The following NEDD4L variants were observed in gnomAD, a reference collection of about 807,000 sequenced individuals.
NEDD4L encodes the protein E3 ubiquitin-protein ligase NEDD4-like.
In NEDD4L, 54 loss-of-function variants were observed where a neutral mutation model predicts 148.9. The observed-to-expected ratio is 0.36, with a 90% CI of 0.29 to 0.45. The LOEUF is 0.45. NEDD4L is among the 20% of genes least tolerant of loss of function. The pLI is 1.00. For missense variants in NEDD4L, 856 were observed against 1,233.8 expected, an observed-to-expected ratio of 0.69 and a Z score of 4.59; for synonymous variants, 433 against 440.7, an observed-to-expected ratio of 0.98 and a Z score of 0.22.
Position 58,396,358 on chromosome 18 carries a change from CAG to C in NEDD4L, c.*94_*95del, listed in dbSNP as rs900661272. 2.0e-5 allele frequency: 17 copies of C among 837,730 alleles called. No homozygotes were observed. The African/African-American group carries it at 2.9e-4, about 14-fold the overall frequency. The allele number at this position is 837,730 out of a possible 1,614,324, so 51.9% of individuals were successfully genotyped here. On this transcript the variant is annotated 3_prime_UTR_variant, in exon 31 of 31. Transcript: ENST00000400345. ...TAACAGACTTTTGCAGAGGCGATGG[CAG>C]AGAGCAGCTGCAGGCATGGTCCCTG...
At chr18:58,136,947 TA>T (rs1289686888) in intron 1 of NEDD4L, among the ~76,000 whole-genome samples, 3 of 152,220 alleles carry the variant, frequency 2.0e-5, no homozygotes, top group Non-Finnish European at 4.4e-5. Flanking sequence ...AAGGAATAGA[TA>T]CATTTTTTAA....
At chr18:58,249,643 A>G (rs1448634352) in intron 4 of NEDD4L, among the ~76,000 whole-genome samples, 1 of 152,224 alleles carries the variant, frequency 6.6e-6, no homozygotes, top group Non-Finnish European at 1.5e-5. Context: ...TCTTAATTGT[A>G]TAGCTGTGAT....
At chr18:58,345,226 C>T (rs547920361) in intron 16 of NEDD4L, among the ~76,000 whole-genome samples, 4 of 152,340 alleles carry the variant, frequency 2.6e-5, no homozygotes, top group South Asian at 2.1e-4. Flanking sequence ...CCTTCTTAAG[C>T]GAATTCAGAT....
At chr18:58,123,532 G>C (rs536044681) in intron 1 of NEDD4L, among the ~76,000 whole-genome samples, 98 of 152,106 alleles carry the variant, frequency 6.4e-4, no homozygotes, top group Non-Finnish European at 5.9e-4. Flanking sequence ...CCCCCGCCCC[G>C]GTTGGACACC....
chr18:58,343,603 G>C (rs2042700575), intron 16 of NEDD4L, among the ~76,000 whole-genome samples: 1 of 152,112 alleles, frequency 6.6e-6, no homozygotes. Flanking sequence ...CATGGGGTAG[G>C]GGATGTACTG....
At chr18:58,355,534 A>C (rs1049401002) in intron 18 of NEDD4L, among the ~76,000 whole-genome samples, 1 of 152,196 alleles carries the variant, frequency 6.6e-6, no homozygotes, top group Non-Finnish European at 1.5e-5. Flanking sequence ...CTTTGATGAC[A>C]ATATCCATTG....
chr18:58,120,986 T>C (rs575910609), intron 1 of NEDD4L, among the ~76,000 whole-genome samples: 1 of 152,202 alleles, frequency 6.6e-6, no homozygotes, highest in East Asian at 1.9e-4. Flanking sequence ...TTTATAATAA[T>C]TAAGTGATGT....
chr18:58,259,850 G>A (rs2148641542), intron 5 of NEDD4L, among the ~76,000 whole-genome samples: 1 of 152,336 alleles, frequency 6.6e-6, no homozygotes, highest in South Asian at 2.1e-4. Context: ...CTTCACAGGA[G>A]TAGTGTAGTA....
chr18:58,371,308 C>T (rs896247760), intron 23 of NEDD4L, among the ~76,000 whole-genome samples: 2 of 151,070 alleles, frequency 1.3e-5, no homozygotes, highest in Non-Finnish European at 2.9e-5. Flanking sequence ...TTGCCTCATC[C>T]TCCCAAAGTG....
intron 1 of NEDD4L, among the ~76,000 whole-genome samples, chr18:58,092,805 C>A (rs1599213833): frequency 1.4e-5 from 2 of 145,556 alleles, no homozygotes; most frequent in East Asian, 3.9e-4. Context: ...AGGTAAAATT[C>A]TCTCCCTGGT....
chr18:58,187,392 A>G (rs1385598736), intron 2 of NEDD4L, among the ~76,000 whole-genome samples: 2 of 152,196 alleles, frequency 1.3e-5, no homozygotes, highest in Non-Finnish European at 2.9e-5. Context: ...TTTGGAAGGA[A>G]AATCAGCAGA....
At chr18:58,267,382 C>G (rs890844540) in intron 5 of NEDD4L, among the ~76,000 whole-genome samples, 3 of 152,046 alleles carry the variant, frequency 2.0e-5, no homozygotes, top group African/African-American at 7.2e-5. Context: ...ACTAGAATCT[C>G]TCATGAAAAT....
At chr18:58,054,690 A>G (rs1568148263) in intron 1 of NEDD4L, 1 of 152,410 alleles carries the variant, frequency 6.6e-6, no homozygotes, top group Non-Finnish European at 1.5e-5. Flanking sequence ...GTGTGTGACA[A>G]TTGGATGCAG....
intron 1 of NEDD4L, among the ~76,000 whole-genome samples, chr18:58,130,590 TGG>T (rs1229407540): frequency 4.2e-5 from 6 of 141,324 alleles, no homozygotes; most frequent in African/African-American, 1.3e-4. Flanking sequence ...TGGGCTCTGT[TGG>T]GGTTTGGTTG....
intron 2 of NEDD4L, among the ~76,000 whole-genome samples, chr18:58,222,607 T>C (rs1425031444): frequency 6.6e-6 from 1 of 152,228 alleles, no homozygotes; most frequent in Non-Finnish European, 1.5e-5. Flanking sequence ...TAACTGGTTA[T>C]AGTGTATCCA....
intron 2 of NEDD4L, among the ~76,000 whole-genome samples, chr18:58,166,354 G>A (rs1482313584): frequency 1.3e-5 from 2 of 152,206 alleles, no homozygotes; most frequent in Admixed American, 1.3e-4. Flanking sequence ...AGATCTTTCT[G>A]TGTGTTTCAG....
intron 1 of NEDD4L, among the ~76,000 whole-genome samples, chr18:58,106,485 C>G (rs2085076693): frequency 6.6e-6 from 1 of 152,108 alleles, no homozygotes; most frequent in African/African-American, 2.4e-5. Flanking sequence ...AAGGGAGACC[C>G]TGCAGTGGTC....
chr18:58,247,999 A>AT (rs1347732008), intron 3 of NEDD4L, among the ~76,000 whole-genome samples: 1 of 151,990 alleles, frequency 6.6e-6, no homozygotes, highest in Non-Finnish European at 1.5e-5. Flanking sequence ...CACTCTGTTG[A>AT]TTTTTTTCAT....
chr18:58,319,961 G>T (rs1375881009), intron 6 of NEDD4L, among the ~76,000 whole-genome samples: 1 of 152,180 alleles, frequency 6.6e-6, no homozygotes, highest in Admixed American at 6.5e-5. Context: ...CCATTTTATA[G>T]ATGAGGACAC....
Sources: gnomAD v4.1 joint callset for allele counts (sites outside exome capture counted in the v4.1 genomes callset) on GRCh38, gnomAD v4.1.1 for gene constraint, MANE v1.5 for transcripts, NCBI Gene and HGNC (gene_info 2026-07-23, HGNC 2026-07-21) for gene names.